MEI1: variants seen among roughly 807,000 people sequenced by gnomAD.
The protein encoded by MEI1 is meiosis inhibitor protein 1.
A neutral mutation model predicts 146.2 loss-of-function variants in MEI1; 103 were observed. The observed-to-expected ratio is 0.70, with a 90% CI of 0.60 to 0.83. MEI1 has a LOEUF of 0.83. Among genes scored for constraint, MEI1 ranks in the 40% least tolerant of loss-of-function variants. The probability of loss-of-function intolerance (pLI) is 0.00; values close to 1 mark genes in which losing one functional copy is unlikely to be tolerated. For missense variants in MEI1, 1,529 were observed against 1,533.0 expected (o/e 1.00, Z 0.04); for synonymous variants, 652 against 628.2 (o/e 1.04, Z -0.57).
Position 41,745,882 on chromosome 22 carries a change from TA to T in MEI1, c.1539-2del, listed in dbSNP as rs1351243331. On this transcript the variant is annotated splice_acceptor_variant, in intron 13 of 30. Coordinates refer to ENST00000401548, the MANE Select transcript of MEI1 (RefSeq NM_152513.4). LOFTEE classifies it high-confidence loss of function. Reference sequence around the variant, plus strand: ...TGGATATACTCACACATTGATTTCTTAGGTTGGCTATAGAATTCCAGAGTGA... The same window carrying T: ...TGGATATACTCACACATTGATTTCTTGGTTGGCTATAGAATTCCAGAGTGA... 1 of 1,604,796 alleles carries T rather than the reference TA, an allele frequency of 6.2e-7. No individual in the cohort carries two copies. The highest frequency in any genetic ancestry group is 1.1e-5 in the South Asian group (1 of 90,436).
chr22:41,710,605 C>T (rs2069463369), intron 3 of MEI1, among the ~76,000 whole-genome samples: 1 of 152,124 alleles, frequency 6.6e-6, no homozygotes, highest in Admixed American at 6.5e-5. Flanking sequence ...CAGGTGGTTC[C>T]AGCTGATAGA....
chr22:41,779,723 T>C (rs1455535470), intron 22 of MEI1, among the ~76,000 whole-genome samples: 2 of 152,162 alleles, frequency 1.3e-5, no homozygotes, highest in East Asian at 3.8e-4. Context: ...GCAGATTCCT[T>C]TTTTCCTGGC....
At chr22:41,761,601 A>G (rs963683641) in intron 18 of MEI1, among the ~76,000 whole-genome samples, 3 of 152,166 alleles carry the variant, frequency 2.0e-5, no homozygotes, top group Admixed American at 6.5e-5. Context: ...GGCGTGAGCC[A>G]CTGCGCCCGG....
chr22:41,784,570 G>A (rs957606559), intron 25 of MEI1, 38 bp from the exon 26 acceptor site: 1 of 1,605,608 alleles, frequency 6.2e-7, no homozygotes, highest in Non-Finnish European at 8.5e-7. Flanking sequence ...AGGTGGGAAG[G>A]AGACAGGAAT....
intron 26 of MEI1, among the ~76,000 whole-genome samples, chr22:41,788,968 C>T (rs1404277210): frequency 6.6e-6 from 1 of 152,150 alleles, no homozygotes; most frequent in Non-Finnish European, 1.5e-5. Context: ...TCCTGAATAG[C>T]TGGGACTACG....
At chr22:41,792,303 A>C (rs2076207641) in intron 26 of MEI1, among the ~76,000 whole-genome samples, 2 of 152,188 alleles carry the variant, frequency 1.3e-5, no homozygotes, top group African/African-American at 4.8e-5. Context: ...GCTATGCAGA[A>C]TCTTCAGCAG....
chr22:41,755,430 T>C (rs2074030205), intron 17 of MEI1, among the ~76,000 whole-genome samples: 1 of 152,208 alleles, frequency 6.6e-6, no homozygotes, highest in Non-Finnish European at 1.5e-5. Context: ...CTACTGGTTC[T>C]CTCACTATGC....
At chr22:41,739,356 A>G (rs983381200) in intron 11 of MEI1, among the ~76,000 whole-genome samples, 1 of 152,066 alleles carries the variant, frequency 6.6e-6, no homozygotes, top group African/African-American at 2.4e-5. Context: ...TGTTCCCTCA[A>G]CTTGAAGCAG....
Position 41,784,490 on chromosome 22 carries a change from G to A in MEI1, c.3169+70G>A, listed in dbSNP as rs1216640163. 2.5e-6 allele frequency: 4 copies of A among 1,599,092 alleles called. No homozygotes were observed. The African/African-American group carries it at 4.0e-5, about 16-fold the overall frequency. On this transcript the variant is annotated intron_variant, in intron 25 of 30. Coordinates refer to ENST00000401548, the MANE Select transcript of MEI1 (RefSeq NM_152513.4). ...GGTTTTCAGATAAGACCAGCACCCT[G>A]ACCAGCCAATGGTCACTCCATAATT...
rs904261125 is a variant in MEI1, at chr22:41,770,909, T to A, written c.2492T>A (p.Val831Glu). ...AGQPALPASLVVLFQLLRSIP... is the reference protein window; with the variant it reads ...AGQPALPASLEVLFQLLRSIP... ...CAGCCCGCCCTTCCTGCCAGCTTAG[T>A]AGTCCTGTTCCAGTTGCTCAGAAGC... The change falls in exon 20 of 31, where the codon GTA becomes GAA. Residue 831 changes from valine to glutamate, a missense_variant. Val to Glu is a moderately radical substitution (Grantham distance 121). Transcript: ENST00000401548. 3 of 1,613,930 alleles carry A rather than the reference T, an allele frequency of 1.9e-6. No individual in the cohort carries two copies. Among genetic ancestry groups the A allele is most frequent in the Middle Eastern group, 1.6e-4 (1 of 6,084 alleles).
At position 41,784,771 on chromosome 22, in the gene MEI1, C is replaced by T. The variant is rs772382268; in HGVS notation, c.3333C>T (p.Asn1111=). The T allele has an allele frequency of 6.2e-7, 1 of 1,608,212 alleles. No individual in the cohort carries two copies. The highest frequency in any genetic ancestry group is 1.7e-5 in the Admixed American group (1 of 59,494). The change falls in exon 26 of 31, where the codon AAC becomes AAT. Residue 1111 remains asparagine (N), a synonymous_variant. Coordinates refer to ENST00000401548, the MANE Select transcript of MEI1 (RefSeq NM_152513.4). The part of the protein sequence containing the change: ...QVRSLVIGLQ[N]LLVQKDPLLS... ...GGTCCCTGGTCATTGGGCTGCAGAA[C>T]CTCCTGGTGCAGGTAAGGCCCTTGC...
chr22:41,761,308 GT>G (rs1310121052), intron 18 of MEI1, among the ~76,000 whole-genome samples: 1 of 122,094 alleles, frequency 8.2e-6, no homozygotes. Flanking sequence ...GAGACTCAGT[GT>G]TTTTTTTTTG....
chr22:41,766,073 A>AGTAGAGACGGGGTTTCACC (rs939846642), intron 19 of MEI1, among the ~76,000 whole-genome samples: 5 of 150,920 alleles, frequency 3.3e-5, no homozygotes, highest in Non-Finnish European at 5.9e-5. Context: ...TGTATTTCTT[A>AGTAGAGACGGGGTTTCACC]GTAGAGACGG....
At chr22:41,699,927 C>T (rs564957324) in intron 1 of MEI1, among the ~76,000 whole-genome samples, 5 of 152,352 alleles carry the variant, frequency 3.3e-5, no homozygotes, top group Admixed American at 2.6e-4. Flanking sequence ...TCCGTGGAGC[C>T]CGGTCCACTG....
intron 19 of MEI1, among the ~76,000 whole-genome samples, chr22:41,768,776 C>A (rs1268963713): frequency 6.6e-6 from 1 of 152,138 alleles, no homozygotes; most frequent in Non-Finnish European, 1.5e-5. Context: ...GAGGTCCACC[C>A]CCATGATCCA....
chr22:41,731,510 A>G (rs1432260794), intron 9 of MEI1, among the ~76,000 whole-genome samples: 1 of 112,254 alleles, frequency 8.9e-6, no homozygotes, highest in Non-Finnish European at 2.2e-5. Flanking sequence ...GACTGCCAGC[A>G]CACCTGGCTA....
In MEI1 at chr22:41,732,532, C is replaced by T. The variant is rs754848709; in HGVS notation, c.1260C>T (p.Leu420=). ...TGTGCAGAGATGCTGGCCGTGCCCT[C>T]CAAGAAGCAGTTAGCAGCCCTGTGC... ...SAMCRDAGRA[L]QEAVSSPVLE... Residue 420 remains leucine (L), a synonymous_variant, in exon 11 of 31, where the codon CTC becomes CTT. Transcript: ENST00000401548. The T allele has an allele frequency of 1.9e-6, 3 of 1,613,920 alleles. No homozygotes were observed. The highest frequency in any genetic ancestry group is 2.5e-6 in the Non-Finnish European group (3 of 1,179,888).
At chr22:41,704,414 C>CT (rs563536729) in intron 2 of MEI1, among the ~76,000 whole-genome samples, 1,463 of 137,656 alleles carry the variant, frequency 0.011, 8 homozygotes, top group South Asian at 0.015. Flanking sequence ...AATTCTTACC[C>CT]TTTTTTTTTT....
intron 26 of MEI1, among the ~76,000 whole-genome samples, chr22:41,789,340 CT>C (rs2076095696): frequency 6.6e-6 from 1 of 151,906 alleles, no homozygotes; most frequent in Non-Finnish European, 1.5e-5. Context: ...AAATAAAATA[CT>C]TTCGTAGAGA....
Sources: gnomAD v4.1 joint callset for allele counts (sites outside exome capture counted in the v4.1 genomes callset) on GRCh38, gnomAD v4.1.1 for gene constraint, MANE v1.5 for transcripts, NCBI Gene and HGNC (gene_info 2026-07-23, HGNC 2026-07-21) for gene names.